The following NUP214 variants were observed in gnomAD, a reference collection of about 807,000 sequenced individuals.
NUP214 encodes the protein nucleoporin 214, also known as nuclear pore complex protein Nup214.
Under a neutral mutation model 196.2 loss-of-function variants are expected in NUP214, and 79 were observed. That is an observed-to-expected ratio of 0.40 (90% CI 0.34 to 0.49). NUP214 has a LOEUF of 0.49. NUP214 is among the 20% of genes least tolerant of loss of function. The pLI is 0.58. For synonymous variants in NUP214, 1,020 were observed against 990.5 expected (o/e 1.03, Z -0.56); for missense variants, 2,468 against 2,539.0 (o/e 0.97, Z 0.60).
rs775067456 is a variant in NUP214 at position 131,163,945 on chromosome 9, C to T, written c.2799C>T (p.Pro933=). The T allele has an allele frequency of 5.0e-6, 8 of 1,614,068 alleles. No individual in the cohort carries two copies. In the South Asian group the frequency reaches 8.8e-5, roughly 18 times the overall value. ...TAGAATCTCACACCAAATCCTTGCCCAAAGTACCAGGTAATTGCATCCTTC... is the reference window on the plus strand; with the variant it reads ...TAGAATCTCACACCAAATCCTTGCCTAAAGTACCAGGTAATTGCATCCTTC... ...TTIESHTKSL[P]KVPAKLSPMK... Residue 933 remains proline (P), a synonymous_variant, in exon 20 of 36, where the codon CCC becomes CCT. Coordinates refer to ENST00000359428, the MANE Select transcript of NUP214 (RefSeq NM_005085.4).
In NUP214 at chr9:131,133,209, G is replaced by A. The variant is rs749386554; in HGVS notation, c.831G>A (p.Pro277=). 1.1e-5 allele frequency: 17 copies of A among 1,516,314 alleles called. No individual in the cohort carries two copies. In the East Asian group the frequency reaches 1.5e-4, roughly 13 times the overall value. 93.9% of individuals were successfully genotyped at this position (1,516,314 alleles called of 1,614,324 possible). A position where few individuals can be genotyped will look rare whatever the true frequency, so the allele number is the denominator to read the frequency against. The change falls in exon 7 of 36, where the codon CCG becomes CCA. Residue 277 remains proline (P), a splice_region_variant and synonymous_variant. Coordinates refer to ENST00000359428, the MANE Select transcript of NUP214 (RefSeq NM_005085.4). The part of the protein sequence containing the change: ...TSPDVVMALL[P]KKEEKHPEIF... ...CAGATGTGGTGATGGCTCTACTACCGGTATGCCTGTGGAAGAAATTTCATT... is the reference window on the plus strand; with the variant it reads ...CAGATGTGGTGATGGCTCTACTACCAGTATGCCTGTGGAAGAAATTTCATT...
intron 11 of NUP214, among the ~76,000 whole-genome samples, chr9:131,143,728 C>CT (rs898067998): frequency 2.1e-4 from 31 of 150,210 alleles, no homozygotes; most frequent in African/African-American, 7.1e-4. Context: ...TGCTATGGAT[C>CT]TTTTTTTTTA....
chr9:131,176,687 CAGTT>C (rs1252685377), intron 23 of NUP214, among the ~76,000 whole-genome samples: 1 of 152,120 alleles, frequency 6.6e-6, no homozygotes, highest in African/African-American at 2.4e-5. Context: ...GCTAATAAGT[CAGTT>C]AGCACTTAAC....
chr9:131,177,907 G>A (rs538425213), intron 23 of NUP214, among the ~76,000 whole-genome samples: 1 of 152,212 alleles, frequency 6.6e-6, no homozygotes, highest in South Asian at 2.1e-4. Flanking sequence ...ACAGAGCCTG[G>A]CACATAATAA....
intron 1 of NUP214, chr9:131,127,044 C>A (rs1831379203): frequency 6.5e-6 from 1 of 152,838 alleles, no homozygotes; most frequent in African/African-American, 2.4e-5. Flanking sequence ...ACTATTATGG[C>A]CCCTTTACAT....
At chr9:131,128,257 A>G (rs1274104687) in intron 2 of NUP214, 75 bp from the exon 3 acceptor site, 12 of 1,443,860 alleles carry the variant, frequency 8.3e-6, no homozygotes, top group East Asian at 4.7e-5. Context: ...ATTTTTTCAC[A>G]TCGAACTGGA....
chr9:131,165,764 A>G (rs1165386034), intron 21 of NUP214, among the ~76,000 whole-genome samples: 1 of 152,282 alleles, frequency 6.6e-6, no homozygotes, highest in African/African-American at 2.4e-5. Context: ...GTCTGTCTAT[A>G]CAATGGAATA....
At chr9:131,206,515 G>A (rs1445721964) in intron 30 of NUP214, among the ~76,000 whole-genome samples, 2 of 152,032 alleles carry the variant, frequency 1.3e-5, no homozygotes, top group South Asian at 2.1e-4. Context: ...CACAGTCACA[G>A]GTAACTGCAG....
At chr9:131,170,930 G>A (rs1382589647) in intron 21 of NUP214, among the ~76,000 whole-genome samples, 1 of 151,978 alleles carries the variant, frequency 6.6e-6, no homozygotes, top group East Asian at 1.9e-4. Context: ...AAGATGTGAG[G>A]TTTGCTGCAT....
intron 17 of NUP214, among the ~76,000 whole-genome samples, chr9:131,154,872 ATTTTCT>A (rs1832389653): frequency 6.6e-6 from 1 of 151,960 alleles, no homozygotes; most frequent in Non-Finnish European, 1.5e-5. Flanking sequence ...TGTGTGTCAC[ATTTTCT>A]TTATCCACTC....
At chr9:131,177,943 T>C (rs536129437) in intron 23 of NUP214, among the ~76,000 whole-genome samples, 37 of 152,262 alleles carry the variant, frequency 2.4e-4, no homozygotes, top group Admixed American at 3.9e-4. Flanking sequence ...AGACAGTGAA[T>C]GAGTGGCAGA....
rs1371453723 is a variant in NUP214 at position 131,175,631 on chromosome 9, G to A, written c.3319+10G>A. 5 of 1,613,968 alleles carry A rather than the reference G, an allele frequency of 3.1e-6. No homozygotes were observed. Among genetic ancestry groups the A allele is most frequent in the South Asian group, 1.1e-5 (1 of 91,058 alleles). On this transcript the variant is annotated intron_variant, in intron 23 of 35. Transcript: ENST00000359428. ...GCCAGTCAGGCACCAGGTAAAAGCT[G>A]TAGCCCCATACCTGTACAGAGGCTG...
intron 11 of NUP214, among the ~76,000 whole-genome samples, chr9:131,140,962 G>A (rs1349692812): frequency 2.0e-5 from 3 of 152,176 alleles, no homozygotes; most frequent in Non-Finnish European, 4.4e-5. Flanking sequence ...TTTGCATCCA[G>A]TCGTTTACCA....
chr9:131,230,587 G>A, intron 33 of NUP214, 43 bp from the exon 34 acceptor site: 1 of 1,610,624 alleles, frequency 6.2e-7, no homozygotes, highest in Non-Finnish European at 8.5e-7. Flanking sequence ...GGCAAGTGGT[G>A]AGAGGCCCCA....
chr9:131,224,587 T>G (rs2131099308), intron 32 of NUP214, among the ~76,000 whole-genome samples: 1 of 152,306 alleles, frequency 6.6e-6, no homozygotes, highest in East Asian at 1.9e-4. Flanking sequence ...CTGCCCCAAA[T>G]TAATACATGG....
At chr9:131,218,402 A>G (rs1181270455) in intron 31 of NUP214, among the ~76,000 whole-genome samples, 1 of 152,200 alleles carries the variant, frequency 6.6e-6, no homozygotes, top group Non-Finnish European at 1.5e-5. Flanking sequence ...TCGTTTCTGC[A>G]GAATCATCAG....
chr9:131,210,177 C>T (rs1307688146), intron 30 of NUP214, among the ~76,000 whole-genome samples: 1 of 152,136 alleles, frequency 6.6e-6, no homozygotes, highest in Non-Finnish European at 1.5e-5. Flanking sequence ...GAGTGACACC[C>T]ACAATTAAAT....
chr9:131,144,931 T>C (rs1403994749), intron 12 of NUP214, among the ~76,000 whole-genome samples, 177 bp downstream of exon 12: 1 of 152,204 alleles, frequency 6.6e-6, no homozygotes, highest in African/African-American at 2.4e-5. Flanking sequence ...CATCAGTGAA[T>C]AGAGTCCAGA....
intron 12 of NUP214, among the ~76,000 whole-genome samples, chr9:131,145,184 G>T (rs924048253): frequency 1.3e-5 from 2 of 151,992 alleles, no homozygotes; most frequent in African/African-American, 4.8e-5. Flanking sequence ...ACTGTAAATT[G>T]TTAGGTGATT....
Sources: gnomAD v4.1 joint callset for allele counts (sites outside exome capture counted in the v4.1 genomes callset) on GRCh38, gnomAD v4.1.1 for gene constraint, MANE v1.5 for transcripts, NCBI Gene and HGNC (gene_info 2026-07-23, HGNC 2026-07-21) for gene names.